Variants in ACTR3C observed in about 807,000 individuals in gnomAD.
ACTR3C encodes the protein actin related protein 3C, also known as actin-related protein 3C.
ACTR3C carries 18 observed loss-of-function variants against 26.3 expected under a neutral mutation model. The ratio of observed to expected loss-of-function variants is 0.68; its 90% CI spans 0.47 to 1.01. The LOEUF (loss-of-function observed/expected upper bound fraction) is 1.01, where lower values mean the gene tolerates loss of function less well. Among genes scored for constraint, ACTR3C ranks in the 50% least tolerant of loss-of-function variants. The pLI is 0.00. For synonymous variants in ACTR3C, 55 were observed against 94.5 expected (o/e 0.58, Z 2.42); for missense variants, 184 against 250.7 (o/e 0.73, Z 1.80).
the ACTR3C span, among the ~76,000 whole-genome samples, chr7:150,058,143 C>T: frequency 6.6e-6 from 1 of 152,182 alleles, no homozygotes; most frequent in Non-Finnish European, 1.5e-5. Flanking sequence ...GTGCTATCTT[C>T]TATTGCTCCT....
chr7:150,066,750 A>G, the ACTR3C span, among the ~76,000 whole-genome samples: 938 of 151,220 alleles, frequency 6.2e-3, 9 homozygotes, highest in African/African-American at 0.022. Context: ...TGTGATGCCT[A>G]TCAATGAACT....
At chr7:149,960,210 C>T in the ACTR3C span, among the ~76,000 whole-genome samples, 1 of 151,728 alleles carries the variant, frequency 6.6e-6, no homozygotes, top group African/African-American at 2.4e-5. Flanking sequence ...ATCAAGATCT[C>T]TAAAAGCAAT....
intron 1 of ACTR3C, among the ~76,000 whole-genome samples, chr7:150,320,696 G>A (rs1563217283): frequency 6.6e-6 from 1 of 152,250 alleles, no homozygotes; most frequent in Non-Finnish European, 1.5e-5. Context: ...CCGGGAGGCA[G>A]AGGTTGCAGT....
chr7:150,235,460 G>A, the ACTR3C span, among the ~76,000 whole-genome samples: 1 of 152,180 alleles, frequency 6.6e-6, no homozygotes, highest in Admixed American at 6.5e-5. Context: ...ACACCCCGAA[G>A]CATCTTTGCT....
At chr7:150,078,942 A>T in the ACTR3C span, among the ~76,000 whole-genome samples, 2 of 152,256 alleles carry the variant, frequency 1.3e-5, no homozygotes, top group African/African-American at 2.4e-5. Context: ...CTACTGAAGG[A>T]TGAGTGAGCT....
chr7:149,983,832 A>G, the ACTR3C span, among the ~76,000 whole-genome samples: 1 of 152,166 alleles, frequency 6.6e-6, no homozygotes, highest in African/African-American at 2.4e-5. Flanking sequence ...CAAAAACATG[A>G]CTGAACCTAC....
chr7:149,948,500 T>C, the ACTR3C span, among the ~76,000 whole-genome samples: 76 of 150,444 alleles, frequency 5.1e-4, no homozygotes, highest in Admixed American at 1.2e-3. Flanking sequence ...CCCGGTTCCC[T>C]CAGGGCAGGC....
chr7:150,177,672 G>A, the ACTR3C span, among the ~76,000 whole-genome samples: 417 of 150,806 alleles, frequency 2.8e-3, 36 homozygotes, highest in African/African-American at 9.7e-3. Context: ...TTACTTTGTA[G>A]TCTAGCATCC....
At chr7:149,957,237 T>C in the ACTR3C span, among the ~76,000 whole-genome samples, 3 of 152,006 alleles carry the variant, frequency 2.0e-5, no homozygotes, top group African/African-American at 7.3e-5. Context: ...CAAGAAGTCA[T>C]TCAGAAGGTG....
At chr7:149,892,374 T>G in the ACTR3C span, 12 of 1,569,604 alleles carry the variant, frequency 7.6e-6, no homozygotes, top group Non-Finnish European at 1.0e-5. Flanking sequence ...GTCAACTACC[T>G]TTGCTGACTC....
At chr7:150,310,280 C>A (rs769425797) in intron 1 of ACTR3C, among the ~76,000 whole-genome samples, 1 of 152,148 alleles carries the variant, frequency 6.6e-6, no homozygotes, top group Non-Finnish European at 1.5e-5. Flanking sequence ...TGGCAACCGA[C>A]CATGCACCCC....
At chr7:150,180,710 A>C in the ACTR3C span, among the ~76,000 whole-genome samples, 1 of 148,916 alleles carries the variant, frequency 6.7e-6, no homozygotes, top group Non-Finnish European at 1.5e-5. Flanking sequence ...ACGGGGTTTC[A>C]CGTGTTAGCC....
chr7:150,141,410 G>A, the ACTR3C span, among the ~76,000 whole-genome samples: 1 of 151,988 alleles, frequency 6.6e-6, no homozygotes, highest in African/African-American at 2.4e-5. Context: ...AGGACACCTG[G>A]GGTTCATTTA....
the ACTR3C span, among the ~76,000 whole-genome samples, chr7:150,129,770 A>G: frequency 2.0e-5 from 3 of 152,200 alleles, no homozygotes; most frequent in Admixed American, 2.0e-4. Flanking sequence ...CCGAAAATTG[A>G]TGTATAGAGT....
chr7:150,008,400 C>T, the ACTR3C span, among the ~76,000 whole-genome samples: 1 of 152,224 alleles, frequency 6.6e-6, no homozygotes, highest in Non-Finnish European at 1.5e-5. Context: ...CCAGCCGGAG[C>T]CGCACGTGGC....
At chr7:149,904,822 CA>C in the ACTR3C span, among the ~76,000 whole-genome samples, 1 of 151,544 alleles carries the variant, frequency 6.6e-6, no homozygotes, top group Admixed American at 6.6e-5. Flanking sequence ...GGTGAAACCC[CA>C]TCTCTACTAA....
chr7:150,180,511 C>CTTTTT, the ACTR3C span, among the ~76,000 whole-genome samples: 6 of 125,772 alleles, frequency 4.8e-5, no homozygotes, highest in African/African-American at 1.7e-4. Flanking sequence ...AGTAGTATAT[C>CTTTTT]TTTTTTTTTT....
chr7:150,005,294 C>T, the ACTR3C span, among the ~76,000 whole-genome samples: 233 of 137,976 alleles, frequency 1.7e-3, no homozygotes, highest in East Asian at 8.1e-3. Flanking sequence ...ACAGCTCCCA[C>T]CCCTGATGTC....
chr7:150,033,273 T>C, the ACTR3C span, among the ~76,000 whole-genome samples: 1 of 152,126 alleles, frequency 6.6e-6, no homozygotes, highest in Admixed American at 6.5e-5. Flanking sequence ...CCTGGACCCT[T>C]TTCTTCTCAA....
Sources: allele counts gnomAD v4.1 joint callset (sites outside exome capture counted in the v4.1 genomes callset), GRCh38; gene constraint gnomAD v4.1.1; transcripts MANE v1.5; gene names NCBI Gene and HGNC (gene_info 2026-07-23, HGNC 2026-07-21).